Variants in ZNF521 observed in about 807,000 individuals in gnomAD.
The protein encoded by ZNF521 is LYST-interacting protein 3.
ZNF521 carries 14 observed loss-of-function variants against 105.5 expected under a neutral mutation model. The observed-to-expected ratio is 0.13, with a 90% CI of 0.09 to 0.21. ZNF521 has a LOEUF of 0.21. Among genes scored for constraint, ZNF521 ranks in the 10% least tolerant of loss-of-function variants. The probability of loss-of-function intolerance (pLI) is 1.00; values close to 1 mark genes in which losing one functional copy is unlikely to be tolerated. For synonymous variants in ZNF521, 635 were observed against 606.0 expected (o/e 1.05, Z -0.70); for missense variants, 1,233 against 1,629.7 (o/e 0.76, Z 4.19).
At chr18:25,111,219 T>G (rs953418355) in intron 5 of ZNF521, among the ~76,000 whole-genome samples, 6 of 152,168 alleles carry the variant, frequency 3.9e-5, no homozygotes, top group Non-Finnish European at 8.8e-5. Flanking sequence ...CCCTGCAAAG[T>G]TTTCTTTATT....
chr18:25,250,804 T>G (rs1279619049), intron 3 of ZNF521, among the ~76,000 whole-genome samples: 1 of 152,226 alleles, frequency 6.6e-6, no homozygotes, highest in Non-Finnish European at 1.5e-5. Context: ...ATCTTGAAAT[T>G]TAAAATGTCT....
At chr18:25,269,383 C>T (rs183276492) in intron 3 of ZNF521, among the ~76,000 whole-genome samples, 50 of 152,124 alleles carry the variant, frequency 3.3e-4, no homozygotes, top group African/African-American at 8.4e-4. Flanking sequence ...CAGATCAACG[C>T]GACAGAAAAT....
At chr18:25,150,445 G>A (rs942613262) in intron 5 of ZNF521, among the ~76,000 whole-genome samples, 2 of 151,994 alleles carry the variant, frequency 1.3e-5, no homozygotes, top group Non-Finnish European at 2.9e-5. Context: ...AAAAATTATA[G>A]GTAAATAAAT....
At chr18:25,280,177 C>T (rs1386497905) in intron 3 of ZNF521, among the ~76,000 whole-genome samples, 1 of 152,188 alleles carries the variant, frequency 6.6e-6, no homozygotes, top group African/African-American at 2.4e-5. Flanking sequence ...GACAGATGGC[C>T]CTCCTGCCTC....
chr18:25,147,966 C>T (rs7238267), intron 5 of ZNF521, among the ~76,000 whole-genome samples: 98,399 of 151,916 alleles, frequency 0.65, 32,133 homozygotes, highest in South Asian at 0.75. Context: ...CTGAGTTCTA[C>T]CCCCATCTCC....
chr18:25,350,037 C>CGAG (rs886918511), intron 2 of ZNF521, among the ~76,000 whole-genome samples: 2 of 151,380 alleles, frequency 1.3e-5, no homozygotes, highest in East Asian at 1.9e-4. Flanking sequence ...AGGAGGCGGC[C>CGAG]GAGGAGGAGG....
At chr18:25,171,404 G>T (rs1364860578) in intron 5 of ZNF521, among the ~76,000 whole-genome samples, 5 of 152,062 alleles carry the variant, frequency 3.3e-5, no homozygotes, top group Non-Finnish European at 5.9e-5. Flanking sequence ...TGGAACAAAA[G>T]AAAGTTATGG....
At chr18:25,147,990 T>G (rs2034976814) in intron 5 of ZNF521, among the ~76,000 whole-genome samples, 1 of 152,160 alleles carries the variant, frequency 6.6e-6, no homozygotes, top group East Asian at 1.9e-4. Context: ...CAGCTTGCTT[T>G]CTTTAACAAT....
At chr18:25,319,881 G>A (rs1276944943) in intron 3 of ZNF521, among the ~76,000 whole-genome samples, 4 of 152,106 alleles carry the variant, frequency 2.6e-5, no homozygotes, top group Admixed American at 6.5e-5. Context: ...AATACTACAG[G>A]AGCCTATGAA....
At chr18:25,339,490 CTTGT>C (rs1914080815) in intron 2 of ZNF521, among the ~76,000 whole-genome samples, 1 of 152,162 alleles carries the variant, frequency 6.6e-6, no homozygotes, top group Non-Finnish European at 1.5e-5. Context: ...TTACTAGCAT[CTTGT>C]TTATTTAATA....
At chr18:25,249,836 A>G (rs1907988629) in intron 3 of ZNF521, among the ~76,000 whole-genome samples, 1 of 152,230 alleles carries the variant, frequency 6.6e-6, no homozygotes, top group Admixed American at 6.5e-5. Flanking sequence ...CTAAAATATT[A>G]CACTTGCAGG....
chr18:25,207,631 A>G (rs1387718288), intron 4 of ZNF521, among the ~76,000 whole-genome samples: 1 of 152,226 alleles, frequency 6.6e-6, no homozygotes, highest in Non-Finnish European at 1.5e-5. Flanking sequence ...AGGGTGCATG[A>G]ACTACACAGA....
intron 5 of ZNF521, among the ~76,000 whole-genome samples, chr18:25,115,282 A>G (rs989405667): frequency 6.6e-6 from 1 of 152,176 alleles, no homozygotes; most frequent in Non-Finnish European, 1.5e-5. Flanking sequence ...CCATGATTTC[A>G]TTTCACTAAA....
Position 25,227,079 on chromosome 18 carries a change from G to A in ZNF521, c.839C>T (p.Ala280Val). ...PECSPNEDRAALQCVYCHELF... is the reference protein window; with the variant it reads ...PECSPNEDRAVLQCVYCHELF... ...CTCGTGGCAGTAGACACACTGGAGGGCCGCTCGGTCCTCATTTGGGGAGCA... is the reference window on the plus strand; with the variant it reads ...CTCGTGGCAGTAGACACACTGGAGGACCGCTCGGTCCTCATTTGGGGAGCA... Residue 280 changes from alanine to valine, a missense_variant, in exon 4 of 8, where the codon GCC (alanine) becomes GTC (valine). Physicochemically the swap from Ala to Val is moderately conservative, Grantham distance 64. Around this residue, in one of 6 missense-constraint regions of ZNF521, gnomAD observed 380 missense variants for 478.0 expected, o/e 0.80. Coordinates refer to ENST00000361524, the MANE Select transcript of ZNF521 (RefSeq NM_015461.3). The surrounding 1 kb of genome is among the most constrained non-coding windows in gnomAD (Gnocchi z 5.7). 6.2e-7 allele frequency: 1 copy of A among 1,614,128 alleles called. No individual in the cohort carries two copies. The highest frequency in any genetic ancestry group is 1.3e-5 in the African/African-American group (1 of 75,024).
At chr18:25,327,411 GC>G (rs1913284030) in intron 2 of ZNF521, 1 of 1,160,616 alleles carries the variant, frequency 8.6e-7, no homozygotes, top group Non-Finnish European at 1.1e-6. Context: ...CTCACAACTA[GC>G]CTTCTAGGTT....
chr18:25,271,612 C>T (rs2144943348), intron 3 of ZNF521, among the ~76,000 whole-genome samples: 1 of 152,224 alleles, frequency 6.6e-6, no homozygotes, highest in South Asian at 2.1e-4. Flanking sequence ...GAAATAACAC[C>T]ACACATCTAC....
rs1347906287 is a variant in ZNF521, at chr18:25,156,965, G to A, written c.3658+38195C>T. 5.9e-5 allele frequency among the ~76,000 whole-genome samples: 9 copies of A among 152,098 alleles called. No individual in the cohort carries two copies. In the East Asian group the frequency reaches 7.7e-4, roughly 13 times the overall value. On this transcript the variant is annotated intron_variant, in intron 5 of 7. Coordinates refer to ENST00000361524, the MANE Select transcript of ZNF521 (RefSeq NM_015461.3). ...TGTAATCCCAGAACTTTAAGAGGCCGAGGCGGGCAGATCACTTGAGGCCAG... is the reference window on the plus strand; with the variant it reads ...TGTAATCCCAGAACTTTAAGAGGCCAAGGCGGGCAGATCACTTGAGGCCAG...
rs1218253958 is a variant in ZNF521 at position 25,352,101 on chromosome 18, G to A, written c.-98C>T. 2 of 483,830 alleles carry A rather than the reference G, an allele frequency of 4.1e-6. No individual in the cohort carries two copies. Among genetic ancestry groups the A allele is most frequent in the South Asian group, 3.0e-5 (2 of 66,914 alleles). 30.0% of individuals were successfully genotyped at this position (483,830 alleles called of 1,614,324 possible). On this transcript the variant is annotated 5_prime_UTR_variant, in exon 1 of 8. Transcript: ENST00000361524. ...AAGCCATCAGGATGGCTCCAGAGGGGGCCCCTAACCCGCAGGGACTCGCTC... is the reference window on the plus strand; with the variant it reads ...AAGCCATCAGGATGGCTCCAGAGGGAGCCCCTAACCCGCAGGGACTCGCTC...
At chr18:25,105,384 G>A (rs773518412) in intron 5 of ZNF521, among the ~76,000 whole-genome samples, 1 of 152,060 alleles carries the variant, frequency 6.6e-6, no homozygotes, top group Non-Finnish European at 1.5e-5. Context: ...TTGTGCTTAG[G>A]CCAACTTGAC....
Sources: gnomAD v4.1 joint callset for allele counts (sites outside exome capture counted in the v4.1 genomes callset) on GRCh38, gnomAD v4.1.1 for gene constraint, gnomAD v4.1.1 regional missense constraint, Gnocchi (gnomAD v3.1) non-coding constraint, MANE v1.5 for transcripts, NCBI Gene and HGNC (gene_info 2026-07-23, HGNC 2026-07-21) for gene names.